The following SCG5 variants were observed in gnomAD, a reference collection of about 807,000 sequenced individuals.
SCG5 encodes secretogranin V.
SCG5 carries 18 observed loss-of-function variants against 25.7 expected under a neutral mutation model. The ratio of observed to expected loss-of-function variants is 0.70; its 90% CI spans 0.48 to 1.04. SCG5 has a LOEUF of 1.04. SCG5 is among the 50% of genes least tolerant of loss of function. The probability of loss-of-function intolerance (pLI) is 0.00; values close to 1 mark genes in which losing one functional copy is unlikely to be tolerated. For missense variants in SCG5, 206 were observed against 259.8 expected, an observed-to-expected ratio of 0.79 and a Z score of 1.42; for synonymous variants, 101 against 91.7, an observed-to-expected ratio of 1.10 and a Z score of -0.58.
chr15:32,680,265 G>T (rs1595814056), intron 3 of SCG5, among the ~76,000 whole-genome samples: 1 of 143,792 alleles, frequency 7.0e-6, no homozygotes, highest in Admixed American at 7.2e-5. Flanking sequence ...GTGTGATCTT[G>T]GTGCACTGCA....
chr15:32,659,237 C>T (rs926037072), intron 2 of SCG5, among the ~76,000 whole-genome samples: 3 of 152,156 alleles, frequency 2.0e-5, no homozygotes, highest in African/African-American at 7.2e-5. Context: ...GAAATGTGCC[C>T]CTGCACTCGC....
intron 2 of SCG5, among the ~76,000 whole-genome samples, chr15:32,645,334 C>A (rs1390922565): frequency 6.6e-6 from 1 of 152,226 alleles, no homozygotes; most frequent in Non-Finnish European, 1.5e-5. Context: ...CCCGGGGCAT[C>A]AAAAGCCTCT....
intron 2 of SCG5, among the ~76,000 whole-genome samples, chr15:32,663,048 T>C (rs1474426977): frequency 3.5e-5 from 1 of 28,638 alleles, no homozygotes; most frequent in East Asian, 1.4e-3. Context: ...TATATATATA[T>C]ATATATATAT....
intron 4 of SCG5, among the ~76,000 whole-genome samples, chr15:32,686,958 G>GTGGC (rs2140590245): frequency 6.6e-6 from 1 of 152,352 alleles, no homozygotes; most frequent in Admixed American, 6.5e-5. Context: ...GAGGACTGGT[G>GTGGC]TGGCTGATTG....
At chr15:32,653,817 A>C (rs2054071463) in intron 2 of SCG5, among the ~76,000 whole-genome samples, 1 of 152,198 alleles carries the variant, frequency 6.6e-6, no homozygotes, top group Admixed American at 6.5e-5. Flanking sequence ...CCTTCACAGA[A>C]AAATCTAGTG....
At chr15:32,668,173 A>G (rs1407792877) in intron 2 of SCG5, among the ~76,000 whole-genome samples, 8 of 152,206 alleles carry the variant, frequency 5.3e-5, no homozygotes, top group Non-Finnish European at 1.0e-4. Context: ...CCCCACCACC[A>G]GCTGCCAAAA....
At chr15:32,694,459 ATAT>A (rs2054918533) in intron 5 of SCG5, among the ~76,000 whole-genome samples, 1 of 152,214 alleles carries the variant, frequency 6.6e-6, no homozygotes, top group African/African-American at 2.4e-5. Context: ...TATCTTGTTA[ATAT>A]TTGAGCTCTA....
chr15:32,672,625 CTG>C (rs145450058), intron 2 of SCG5, among the ~76,000 whole-genome samples: 53,308 of 151,990 alleles, frequency 0.35, 10,752 homozygotes, highest in Admixed American at 0.44. Context: ...ATTCTACTAA[CTG>C]TGGCTGTGGA....
chr15:32,695,658 A>T (rs1171439384), intron 5 of SCG5, among the ~76,000 whole-genome samples: 1 of 152,110 alleles, frequency 6.6e-6, no homozygotes, highest in Admixed American at 6.5e-5. Context: ...TCTCCTTAGT[A>T]AAATACTGGC....
At chr15:32,672,565 C>A (rs2054448679) in intron 2 of SCG5, among the ~76,000 whole-genome samples, 1 of 152,180 alleles carries the variant, frequency 6.6e-6, no homozygotes, top group South Asian at 2.1e-4. Flanking sequence ...CACCGGAGAT[C>A]CCCTGAGTGA....
rs182503839 is a variant in SCG5, at chr15:32,694,207, T to C, written c.544-2307T>C. Among the ~76,000 whole-genome samples, 8 of 152,320 alleles carry C rather than the reference T, an allele frequency of 5.3e-5. No homozygotes were observed. The East Asian group carries it at 1.5e-3, about 29-fold the overall frequency. On this transcript the variant is annotated intron_variant, in intron 5 of 5. Coordinates refer to ENST00000300175, the MANE Select transcript of SCG5 (RefSeq NM_001144757.3). ...TCAGTTAAATATTTATCAAAAAAGT[T>C]CACCTGATTCCTCTTTTTACCTCCT...
Position 32,643,631 on chromosome 15 carries a change from A to G in SCG5, c.39A>G (p.Leu13=), listed in dbSNP as rs1253768864. 6.2e-7 allele frequency: 1 copy of G among 1,613,898 alleles called. No homozygotes were observed. Among genetic ancestry groups the G allele is most frequent in the Non-Finnish European group, 8.5e-7 (1 of 1,179,874 alleles). ...TGGTCTCTACCATGCTATCTGGCCTACTGTTTTGGCTGGCATCTGGATGGA... is the reference window on the plus strand; with the variant it reads ...TGGTCTCTACCATGCTATCTGGCCTGCTGTTTTGGCTGGCATCTGGATGGA... ...SRMVSTMLSG[L]LFWLASGWTP... Residue 13 remains leucine (L), a synonymous_variant, in exon 2 of 6, where the codon CTA becomes CTG. Transcript: ENST00000300175.
At chr15:32,655,148 A>G (rs1019617888) in intron 2 of SCG5, among the ~76,000 whole-genome samples, 53 of 152,134 alleles carry the variant, frequency 3.5e-4, no homozygotes, top group Admixed American at 3.9e-4. Context: ...CTCTACTAAC[A>G]ATACAAAAAA....
intron 2 of SCG5, among the ~76,000 whole-genome samples, chr15:32,673,449 C>T (rs2054474472): frequency 6.6e-6 from 1 of 151,682 alleles, no homozygotes; most frequent in Non-Finnish European, 1.5e-5. Context: ...TCTGCACTAT[C>T]TGGGAGCTTG....
chr15:32,669,896 C>G (rs922889658), intron 2 of SCG5, among the ~76,000 whole-genome samples: 8 of 152,014 alleles, frequency 5.3e-5, no homozygotes, highest in African/African-American at 1.9e-4. Flanking sequence ...ACGTTTTCTC[C>G]TTTTGGAAAG....
intron 2 of SCG5, among the ~76,000 whole-genome samples, chr15:32,646,718 C>T (rs999549664): frequency 6.6e-6 from 1 of 152,166 alleles, no homozygotes; most frequent in African/African-American, 2.4e-5. Flanking sequence ...GGGTTTTTCC[C>T]AGTCTGGGAC....
chr15:32,656,580 G>C (rs1040055011), intron 2 of SCG5, among the ~76,000 whole-genome samples: 4 of 152,200 alleles, frequency 2.6e-5, no homozygotes, highest in Admixed American at 2.0e-4. Flanking sequence ...TCCCCATCCA[G>C]CTGTCTTCTA....
chr15:32,667,917 C>T (rs1281965594), intron 2 of SCG5, among the ~76,000 whole-genome samples: 1 of 152,170 alleles, frequency 6.6e-6, no homozygotes, highest in Admixed American at 6.5e-5. Context: ...TCAAGTGATC[C>T]ACCCGCTTCG....
intron 5 of SCG5, 141 bp downstream of exon 5, chr15:32,691,904 A>G (rs2054865768): frequency 6.7e-7 from 1 of 1,491,306 alleles, no homozygotes; most frequent in Non-Finnish European, 8.9e-7. Context: ...CCATGTGACA[A>G]GGGCCACACC....
Sources: allele counts gnomAD v4.1 joint callset (sites outside exome capture counted in the v4.1 genomes callset), GRCh38; gene constraint gnomAD v4.1.1; transcripts MANE v1.5; gene names NCBI Gene and HGNC (gene_info 2026-07-23, HGNC 2026-07-21).